Variants in GFOD1 observed in about 807,000 individuals in gnomAD.
GFOD1 encodes the protein Gfo/Idh/MocA-like oxidoreductase domain containing 1, also known as glucose-fructose oxidoreductase domain-containing protein 1.
A neutral mutation model predicts 25.4 loss-of-function variants in GFOD1; 9 were observed. The ratio of observed to expected loss-of-function variants is 0.35; its 90% CI spans 0.21 to 0.62. The LOEUF is 0.62. GFOD1 is among the 20% of genes least tolerant of loss of function. The pLI is 0.72. For synonymous variants in GFOD1, 253 were observed against 245.6 expected, an observed-to-expected ratio of 1.03 and a Z score of -0.28; for missense variants, 403 against 556.9, an observed-to-expected ratio of 0.72 and a Z score of 2.78.
At chr6:13,392,547 A>C (rs1369007900) in intron 1 of GFOD1, among the ~76,000 whole-genome samples, 2 of 152,004 alleles carry the variant, frequency 1.3e-5, no homozygotes, top group African/African-American at 4.8e-5. Context: ...TTTTTGTATC[A>C]CTACACTGGA....
chr6:13,477,801 C>T (rs1188782281), intron 1 of GFOD1, among the ~76,000 whole-genome samples: 1 of 152,048 alleles, frequency 6.6e-6, no homozygotes, highest in Non-Finnish European at 1.5e-5. Flanking sequence ...CATGGTGGCT[C>T]ATGCCTGTAA....
rs377216051 is a variant in GFOD1 at position 13,470,188 on chromosome 6, G to C, written c.253+16450C>G. 5.7e-6 allele frequency: 9 copies of C among 1,576,038 alleles called. No homozygotes were observed. In the East Asian group the frequency reaches 9.6e-5, roughly 17 times the overall value. Reference sequence around the variant, plus strand: ...GGCTTCCCCAGCACCTGCGCGCGATGAACGCATCTATCTGTAATCTTGACT... The same window carrying C: ...GGCTTCCCCAGCACCTGCGCGCGATCAACGCATCTATCTGTAATCTTGACT... On this transcript the variant is annotated intron_variant, in intron 1 of 1. Coordinates refer to ENST00000379287, the MANE Select transcript of GFOD1 (RefSeq NM_018988.4).
chr6:13,439,820 T>C (rs929135917), intron 1 of GFOD1, among the ~76,000 whole-genome samples: 4 of 152,184 alleles, frequency 2.6e-5, no homozygotes, highest in African/African-American at 9.7e-5. Context: ...GGGAGAATAC[T>C]TTCAAAGACA....
intron 1 of GFOD1, among the ~76,000 whole-genome samples, chr6:13,408,657 C>T (rs911072362): frequency 6.6e-6 from 1 of 152,080 alleles, no homozygotes; most frequent in African/African-American, 2.4e-5. Context: ...ATTTCATGTC[C>T]GAAGGTACTC....
In GFOD1 at chr6:13,365,019, G is replaced by T; in HGVS notation, c.897C>A (p.Pro299=). ...LLPEKAFSDI[P]SPYLRGTIKM... is the part of the protein sequence containing the mutation. ...TGATGGTGCCGCGCAGGTAGGGCGA[G>T]GGGATGTCGCTGAAGGCCTTCTCCG... Residue 299 remains proline (P), a synonymous_variant, in exon 2 of 2, where the codon CCC becomes CCA. Coordinates refer to ENST00000379287, the MANE Select transcript of GFOD1 (RefSeq NM_018988.4). This position sits in a 1 kb window ranked among gnomAD's most constrained non-coding sequence, Gnocchi z 9.2. 6.2e-7 allele frequency: 1 copy of T among 1,610,318 alleles called. No individual in the cohort carries two copies. The highest frequency in any genetic ancestry group is 8.5e-7 in the Non-Finnish European group (1 of 1,179,932).
At chr6:13,469,939 A>C in intron 1 of GFOD1, 2 of 1,305,398 alleles carry the variant, frequency 1.5e-6, no homozygotes, top group Non-Finnish European at 2.0e-6. Context: ...CTCTTTCCAA[A>C]AGTGATGAGT....
At chr6:13,399,132 A>G (rs1250103580) in intron 1 of GFOD1, among the ~76,000 whole-genome samples, 1 of 152,118 alleles carries the variant, frequency 6.6e-6, no homozygotes, top group African/African-American at 2.4e-5. Flanking sequence ...CTCTCACCTC[A>G]GCTTCCAGGA....
chr6:13,475,963 G>A (rs1483010694), intron 1 of GFOD1, among the ~76,000 whole-genome samples: 1 of 152,068 alleles, frequency 6.6e-6, no homozygotes, highest in Non-Finnish European at 1.5e-5. Flanking sequence ...GATGATATCA[G>A]AAAATTAGAA....
At chr6:13,383,260 T>C (rs1293277503) in intron 1 of GFOD1, among the ~76,000 whole-genome samples, 2 of 152,256 alleles carry the variant, frequency 1.3e-5, no homozygotes, top group African/African-American at 2.4e-5. Context: ...TTTCCACAAC[T>C]ACTTTCTGTG....
rs1784929842 is a variant in GFOD1, at chr6:13,360,454, A to T, written c.*4289T>A. ...TAAAATTGGAGTGACAAACAAACGA[A>T]CTTTAAAGCCCCACTCCCTGAGAAA... is the stretch of plus-strand genomic sequence containing the variant. On this transcript the variant is annotated 3_prime_UTR_variant, in exon 2 of 2. Coordinates refer to ENST00000379287, the MANE Select transcript of GFOD1 (RefSeq NM_018988.4). 2.9e-6 allele frequency: 1 copy of T among 346,450 alleles called. No individual in the cohort carries two copies. Among genetic ancestry groups the T allele is most frequent in the Non-Finnish European group, 5.7e-6 (1 of 174,944 alleles). 21.5% of individuals were successfully genotyped at this position (346,450 alleles called of 1,614,324 possible). A position where few individuals can be genotyped will look rare whatever the true frequency, so the allele number is the denominator to read the frequency against.
In GFOD1 at chr6:13,376,490, G is replaced by A. The variant is rs181549176; in HGVS notation, c.254-10828C>T. On this transcript the variant is annotated intron_variant, in intron 1 of 1. Transcript: ENST00000379287. The stretch of plus-strand genomic sequence containing the variant: ...CCTGGATCCAAGGGACAGAGCCAGA[G>A]TCTCATAAGCCACACTACCCCCATA... Among the ~76,000 whole-genome samples the A allele has an allele frequency of 2.1e-3, 315 of 152,300 alleles. 2 individuals are homozygous for A. The highest frequency in any genetic ancestry group is 6.9e-3 in the African/African-American group (288 of 41,546).
intron 1 of GFOD1, among the ~76,000 whole-genome samples, chr6:13,428,373 G>C (rs1299317802): frequency 6.6e-6 from 1 of 152,148 alleles, no homozygotes; most frequent in Middle Eastern, 3.2e-3. Context: ...AAACTGGGGG[G>C]CTGGGGAGGA....
At chr6:13,448,677 T>G (rs979148063) in intron 1 of GFOD1, among the ~76,000 whole-genome samples, 1 of 152,218 alleles carries the variant, frequency 6.6e-6, no homozygotes, top group African/African-American at 2.4e-5. Flanking sequence ...ACTGCCTGCA[T>G]GTTGTTTGCA....
At chr6:13,394,395 A>C (rs1392660912) in intron 1 of GFOD1, among the ~76,000 whole-genome samples, 1 of 151,572 alleles carries the variant, frequency 6.6e-6, no homozygotes, top group Non-Finnish European at 1.5e-5. Flanking sequence ...GTCTCTGGGC[A>C]GGAGAACGGG....
chr6:13,409,137 GAAA>G (rs1562209384), intron 1 of GFOD1, among the ~76,000 whole-genome samples: 1,110 of 38,652 alleles, frequency 0.029, 185 homozygotes, highest in Middle Eastern at 0.12. Flanking sequence ...AAGAAAGAAA[GAAA>G]GAAAGAAAGA....
intron 1 of GFOD1, among the ~76,000 whole-genome samples, chr6:13,411,322 C>T (rs1393673304): frequency 6.6e-6 from 1 of 152,148 alleles, no homozygotes; most frequent in African/African-American, 2.4e-5. Context: ...GACAGAGTCT[C>T]ACTCTGTCAG....
intron 1 of GFOD1, among the ~76,000 whole-genome samples, chr6:13,447,122 CA>C (rs1758015940): frequency 6.6e-6 from 1 of 152,176 alleles, no homozygotes. Context: ...GAAAGGACCA[CA>C]AAGCAAGTGG....
At chr6:13,370,473 C>T (rs492433) in intron 1 of GFOD1, among the ~76,000 whole-genome samples, 64,916 of 151,940 alleles carry the variant, frequency 0.43, 16,765 homozygotes, top group East Asian at 0.67. Context: ...AGCCAGCAGA[C>T]CCTTCACGAA....
chr6:13,377,761 C>T (rs556208392), intron 1 of GFOD1, among the ~76,000 whole-genome samples: 1 of 152,298 alleles, frequency 6.6e-6, no homozygotes, highest in African/African-American at 2.4e-5. Flanking sequence ...TGTCACCTGC[C>T]TGCAAGCTCT....
Sources: allele counts gnomAD v4.1 joint callset (sites outside exome capture counted in the v4.1 genomes callset), GRCh38; gene constraint gnomAD v4.1.1; non-coding constraint Gnocchi (gnomAD v3.1); transcripts MANE v1.5; gene names NCBI Gene and HGNC (gene_info 2026-07-23, HGNC 2026-07-21).